Variants in VWF observed in about 807,000 individuals in gnomAD.
VWF encodes the protein Factor VIII related antigen.
In VWF, 176 loss-of-function variants were observed where a neutral mutation model predicts 308.6. That is an observed-to-expected ratio of 0.57 (90% CI 0.50 to 0.65). The LOEUF (loss-of-function observed/expected upper bound fraction) is 0.65. Among genes scored for constraint, VWF ranks in the 30% least tolerant of loss-of-function variants. The pLI is 0.00. For missense variants in VWF, 3,146 were observed against 3,648.2 expected, an observed-to-expected ratio of 0.86 and a Z score of 3.55; for synonymous variants, 1,385 against 1,443.4, an observed-to-expected ratio of 0.96 and a Z score of 0.92.
At chr12:6,050,947 T>C (rs983973658) in intron 16 of VWF, among the ~76,000 whole-genome samples, 6 of 143,538 alleles carry the variant, frequency 4.2e-5, no homozygotes, top group African/African-American at 1.6e-4. Flanking sequence ...AAGAGCAAAA[T>C]TCAGTCTCAA....
At chr12:6,117,014 C>A (rs1023498741) in intron 3 of VWF, among the ~76,000 whole-genome samples, 2 of 152,174 alleles carry the variant, frequency 1.3e-5, no homozygotes, top group African/African-American at 4.8e-5. Flanking sequence ...AGCCCACCCC[C>A]CTCTAATTCT....
intron 14 of VWF, 102 bp downstream of exon 14, chr12:6,057,740 TCCCCGCC>T: frequency 7.4e-7 from 1 of 1,342,478 alleles, no homozygotes; most frequent in Non-Finnish European, 1.0e-6. Context: ...CTTTCCTCGC[TCCCCGCC>T]CCCGCCCTCC....
chr12:5,971,484 T>A lies in VWF; in HGVS notation c.7548+115A>T. On this transcript the variant is annotated intron_variant, in intron 44 of 51. Transcript: ENST00000261405. ...CATCTGGATAACACCAACAGCTGGG[T>A]GAAATGCCCAGTGGGGAAAGCAAAG... The A allele has an allele frequency of 3.5e-6, 3 of 847,878 alleles. No homozygotes were observed. The East Asian group carries it at 7.5e-5, about 21-fold the overall frequency. The allele number at this position is 847,878 out of a possible 1,614,324, so 52.5% of individuals were successfully genotyped here.
rs1943512774 is a variant in VWF at position 5,974,637 on chromosome 12, A to C, written c.7437+1474T>G. Among the ~76,000 whole-genome samples, 2 of 152,210 alleles carry C rather than the reference A, an allele frequency of 1.3e-5. 1 individual carries two copies. Among genetic ancestry groups the C allele is most frequent in the South Asian group, 4.1e-4 (2 of 4,832 alleles). On this transcript the variant is annotated intron_variant, in intron 43 of 51. Coordinates refer to ENST00000261405, the MANE Select transcript of VWF (RefSeq NM_000552.5). ...CAGACTGGACAGGGATGAACCACGG[A>C]TCTGAAAAGCTGTGTGGAGTTGAAG... is the stretch of plus-strand genomic sequence containing the variant.
chr12:5,954,205 T>C (rs1236363966), intron 47 of VWF, among the ~76,000 whole-genome samples: 1 of 152,222 alleles, frequency 6.6e-6, no homozygotes, highest in East Asian at 1.9e-4. Flanking sequence ...GCTCCCCTGC[T>C]ACAGGTTACC....
intron 10 of VWF, among the ~76,000 whole-genome samples, chr12:6,065,516 G>A (rs1032714629): frequency 5.9e-5 from 9 of 152,318 alleles, no homozygotes; most frequent in African/African-American, 2.2e-4. Flanking sequence ...ACTAAGGAAG[G>A]TGACAGAGCC....
chr12:5,964,239 C>A (rs1439914144), intron 47 of VWF, among the ~76,000 whole-genome samples: 4 of 144,688 alleles, frequency 2.8e-5, no homozygotes, highest in African/African-American at 1.1e-4. Flanking sequence ...TACATACATA[C>A]ATACATACAT....
chr12:6,056,922 G>T lies in VWF; in HGVS notation c.1880C>A (p.Ala627Asp), dbSNP rs972740801. 11 of 1,533,012 alleles carry T rather than the reference G, an allele frequency of 7.2e-6. No individual in the cohort carries two copies. The highest frequency in any genetic ancestry group is 9.6e-6 in the Non-Finnish European group (11 of 1,145,470). The allele number at this position is 1,533,012 out of a possible 1,614,324, so 95.0% of individuals were successfully genotyped here. A position where few individuals can be genotyped will look rare whatever the true frequency, so the allele number is the denominator to read the frequency against. ...DGRECLCGAL[A>D]SYAAACAGRG... ...CCCCGCGCAGGCCGCGGCATAGCTG[G>T]CCAGGGCGCCGCACAGGCACTCGCG... The change falls in exon 15 of 52, where the codon GCC becomes GAC. Residue 627 changes from alanine to aspartate, a missense_variant. Physicochemically the swap from Ala to Asp is moderately radical, Grantham distance 126. This residue lies in a region of VWF where 1,304 missense variants were observed against 1,353.0 expected (regional missense o/e 0.96). Coordinates refer to ENST00000261405, the MANE Select transcript of VWF (RefSeq NM_000552.5).
intron 47 of VWF, among the ~76,000 whole-genome samples, chr12:5,955,219 A>AT (rs1555189135): frequency 7.9e-5 from 12 of 151,468 alleles, no homozygotes; most frequent in Non-Finnish European, 1.8e-4. Context: ...GCAGGCAGGA[A>AT]TTTTTTTTTT....
chr12:6,030,201 T>C (rs12832252), intron 21 of VWF, among the ~76,000 whole-genome samples: 1 of 152,080 alleles, frequency 6.6e-6, no homozygotes, highest in Non-Finnish European at 1.5e-5. Context: ...ACATATCACA[T>C]GCAGTGCAGA....
intron 34 of VWF, among the ~76,000 whole-genome samples, chr12:6,007,445 T>G (rs1452207226): frequency 1.3e-5 from 2 of 152,068 alleles, no homozygotes; most frequent in Non-Finnish European, 1.5e-5. Context: ...CTCAAATATG[T>G]GGAAATTAAA....
chr12:6,026,329 A>G (rs115364369), intron 22 of VWF, among the ~76,000 whole-genome samples: 1 of 152,130 alleles, frequency 6.6e-6, no homozygotes. Flanking sequence ...AGAGGTGGGA[A>G]TCAGGCAGCC....
chr12:5,950,612 A>G (rs759649324), intron 50 of VWF, among the ~76,000 whole-genome samples: 2 of 152,110 alleles, frequency 1.3e-5, no homozygotes, highest in African/African-American at 4.8e-5. Flanking sequence ...TAATTTCTAG[A>G]TAATTTCATT....
rs988179444 is a variant in VWF, at chr12:6,099,753, A to G, written c.533-4169T>C. ...TACAAAAATTAATTCAAGATGGATT[A>G]AAGACTTAAACGTTAGACCTAAAAC... On this transcript the variant is annotated intron_variant, in intron 5 of 51. Transcript: ENST00000261405. 2.6e-5 allele frequency among the ~76,000 whole-genome samples: 4 copies of G among 152,106 alleles called. No individual in the cohort carries two copies. The South Asian group carries it at 6.2e-4, about 24-fold the overall frequency.
intron 5 of VWF, among the ~76,000 whole-genome samples, chr12:6,097,146 G>C (rs1297604126): frequency 2.0e-5 from 3 of 152,134 alleles, no homozygotes; most frequent in Non-Finnish European, 4.4e-5. Flanking sequence ...CCTTATAAGA[G>C]ATGGGTAGAG....
At chr12:5,951,354 TG>T (rs1943188231) in intron 50 of VWF, among the ~76,000 whole-genome samples, 1 of 152,160 alleles carries the variant, frequency 6.6e-6, no homozygotes, top group South Asian at 2.1e-4. Context: ...ACATGTGGGC[TG>T]TTGTCAGCCA....
At chr12:6,117,897 G>A (rs1051059725) in intron 3 of VWF, among the ~76,000 whole-genome samples, 1 of 152,204 alleles carries the variant, frequency 6.6e-6, no homozygotes, top group Non-Finnish European at 1.5e-5. Flanking sequence ...GAGCAGAGGA[G>A]AACACGGGTT....
intron 17 of VWF, among the ~76,000 whole-genome samples, chr12:6,045,631 C>T (rs867622334): frequency 2.0e-5 from 3 of 152,338 alleles, no homozygotes; most frequent in Admixed American, 6.5e-5. Flanking sequence ...CTGAGAGACG[C>T]TCTCCAGTCG....
At chr12:6,026,842 A>G (rs1278306223) in intron 22 of VWF, among the ~76,000 whole-genome samples, 2 of 152,186 alleles carry the variant, frequency 1.3e-5, no homozygotes, top group African/African-American at 4.8e-5. Flanking sequence ...ATCACTACAC[A>G]CTGTATACAT....
Sources: allele counts gnomAD v4.1 joint callset (sites outside exome capture counted in the v4.1 genomes callset), GRCh38; gene constraint gnomAD v4.1.1; regional missense constraint gnomAD v4.1.1; transcripts MANE v1.5; gene names NCBI Gene and HGNC (gene_info 2026-07-23, HGNC 2026-07-21).